Variants in ZNF416 observed in about 807,000 individuals in gnomAD.
ZNF416 encodes zinc finger protein 416.
ZNF416 carries 5 observed loss-of-function variants against 10.9 expected under a neutral mutation model. The observed-to-expected ratio is 0.46, with a 90% CI of 0.24 to 0.97. ZNF416 has a LOEUF of 0.97. Among genes scored for constraint, ZNF416 ranks in the 50% least tolerant of loss-of-function variants. ZNF416 has a pLI of 0.19. For synonymous variants in ZNF416, 267 were observed against 251.8 expected (o/e 1.06, Z -0.57); for missense variants, 675 against 715.0 (o/e 0.94, Z 0.64).
intron 2 of ZNF416, among the ~76,000 whole-genome samples, chr19:57,576,604 C>T (rs77962239): frequency 0.015 from 2,258 of 152,088 alleles, 57 homozygotes; most frequent in Admixed American, 0.06. Context: ...GATCTGACAC[C>T]GATGGCCCTC....
rs769879685 is a variant in ZNF416 at position 57,573,284 on chromosome 19, GCCT to G, written c.617_619del (p.Glu206del). ...GTAATGACTTATTCCAACATGAAAG[GCCT>G]CCTCACATTTGCTGATTTTGTTTGG... On this transcript the variant is annotated inframe_deletion, in exon 4 of 4. Coordinates refer to ENST00000196489, the MANE Select transcript of ZNF416 (RefSeq NM_017879.3). The G allele has an allele frequency of 6.2e-7, 1 of 1,614,216 alleles. No individual in the cohort carries two copies. Among genetic ancestry groups the G allele is most frequent in the Non-Finnish European group, 8.5e-7 (1 of 1,180,048 alleles).
In ZNF416 at chr19:57,572,438, G is replaced by A; in HGVS notation, c.1466C>T (p.Thr489Ile). 1 of 1,614,244 alleles carries A rather than the reference G, an allele frequency of 6.2e-7. No individual in the cohort carries two copies. Among genetic ancestry groups the A allele is most frequent in the Non-Finnish European group, 8.5e-7 (1 of 1,180,052 alleles). ...SKLVRHQRTH[T>I]GERPFECSEC... ...ACTGCACTCAAAAGGCCTTTCTCCAGTGTGAGTTCTCTGGTGCCTAACAAG... is the reference window on the plus strand; with the variant it reads ...ACTGCACTCAAAAGGCCTTTCTCCAATGTGAGTTCTCTGGTGCCTAACAAG... Residue 489 changes from threonine (T) to isoleucine (I), a missense_variant, in exon 4 of 4, where the codon ACT (threonine) becomes ATT (isoleucine). Physicochemically the swap from Thr to Ile is moderately conservative, Grantham distance 89 (BLOSUM62 -1). Coordinates refer to ENST00000196489, the MANE Select transcript of ZNF416 (RefSeq NM_017879.3). This position sits in a 1 kb window ranked among gnomAD's most constrained non-coding sequence, Gnocchi z 4.5.
In ZNF416 at chr19:57,575,368, CAAGA is replaced by C. The variant is rs1036397378; in HGVS notation, c.202+432_202+435del. ...GAGCAAGTCAGCAGCCTTGAGAACACAAGAAAGAAAATTAATATCACACAGATCC... is the reference window on the plus strand; with the variant it reads ...GAGCAAGTCAGCAGCCTTGAGAACACAAGAAAATTAATATCACACAGATCC... On this transcript the variant is annotated intron_variant, in intron 3 of 3. Coordinates refer to ENST00000196489, the MANE Select transcript of ZNF416 (RefSeq NM_017879.3). This position sits in a 1 kb window ranked among gnomAD's most constrained non-coding sequence, Gnocchi z 4.4. 1.5e-4 allele frequency among the ~76,000 whole-genome samples: 23 copies of C among 152,160 alleles called. No individual in the cohort carries two copies. Among genetic ancestry groups the C allele is most frequent in the African/African-American group, 5.6e-4 (23 of 41,428 alleles).
In ZNF416 at chr19:57,575,835, C is replaced by G; in HGVS notation, c.171G>C (p.Met57Ile). 6.2e-7 allele frequency: 1 copy of G among 1,614,138 alleles called. No homozygotes were observed. The highest frequency in any genetic ancestry group is 1.1e-5 in the South Asian group (1 of 91,070). ...EAQRLLYRDV[M>I]LENFALITAL... ...CAGTTATAAGTGCAAAGTTCTCCAG[C>G]ATCACATCGCGGTACAGGAGCCTCT... The change falls in exon 3 of 4, where the codon ATG becomes ATC. Residue 57 changes from methionine to isoleucine, a missense_variant. Coordinates refer to ENST00000196489, the MANE Select transcript of ZNF416 (RefSeq NM_017879.3). The surrounding 1 kb of genome is among the most constrained non-coding windows in gnomAD (Gnocchi z 4.4).
intron 3 of ZNF416, 132 bp from the exon 4 acceptor site, chr19:57,573,833 T>C (rs904665004): frequency 1.4e-5 from 16 of 1,159,404 alleles, no homozygotes; most frequent in African/African-American, 3.1e-5. Context: ...CTCAGGAGTT[T>C]GAGACCAGTC....
chr19:57,578,737 G>T lies in ZNF416; in HGVS notation c.-33C>A. 2 of 1,444,008 alleles carry T rather than the reference G, an allele frequency of 1.4e-6. No homozygotes were observed. Among genetic ancestry groups the T allele is most frequent in the South Asian group, 1.4e-5 (1 of 70,728 alleles). The allele number at this position is 1,444,008 out of a possible 1,614,324, so 89.4% of individuals were successfully genotyped here. A position where few individuals can be genotyped will look rare whatever the true frequency, so the allele number is the denominator to read the frequency against. On this transcript the variant is annotated 5_prime_UTR_variant, in exon 1 of 4. Coordinates refer to ENST00000196489, the MANE Select transcript of ZNF416 (RefSeq NM_017879.3). Reference sequence around the variant, plus strand: ...TGAGCGGAGCGGGGCCGGGAGCGGCGGGCGACCCGGGGCGGGAACCCAGGC... The same window carrying T: ...TGAGCGGAGCGGGGCCGGGAGCGGCTGGCGACCCGGGGCGGGAACCCAGGC...
rs1349698565 is a variant in ZNF416 at position 57,572,657 on chromosome 19, CCA to C, written c.1245_1246del (p.Cys415TrpfsTer5). The C allele has an allele frequency of 6.2e-7, 1 of 1,614,102 alleles. No individual in the cohort carries two copies. The highest frequency in any genetic ancestry group is 8.5e-7 in the Non-Finnish European group (1 of 1,180,056). ...GCCACACTTTAGGCTAAATGATTTCCCACACTGGCCACACTCATAAGGCCTTG... is the reference window on the plus strand; with the variant it reads ...GCCACACTTTAGGCTAAATGATTTCCCACTGGCCACACTCATAAGGCCTTG... On this transcript the variant is annotated frameshift_variant, in exon 4 of 4. Coordinates refer to ENST00000196489, the MANE Select transcript of ZNF416 (RefSeq NM_017879.3). LOFTEE classifies it low-confidence loss of function (END_TRUNC). The surrounding 1 kb of genome is among the most constrained non-coding windows in gnomAD (Gnocchi z 4.5).
chr19:57,576,472 C>T (rs755525911), intron 2 of ZNF416, among the ~76,000 whole-genome samples: 1 of 152,066 alleles, frequency 6.6e-6, no homozygotes, highest in African/African-American at 2.4e-5. Context: ...AAATGAGGTC[C>T]GGTGCCACTC....
Position 57,572,794 on chromosome 19 carries a change from A to G in ZNF416, c.1110T>C (p.Val370=). 1 of 1,614,172 alleles carries G rather than the reference A, an allele frequency of 6.2e-7. No homozygotes were observed. The highest frequency in any genetic ancestry group is 8.5e-7 in the Non-Finnish European group (1 of 1,180,032). ...GKAFGSKSTL[V]RHQRTHTGEK... ...CTCCTGTGTGAGTTCTCTGGTGTCGAACAAGAGTGGATTTGGACCCAAAGG... is the reference window on the plus strand; with the variant it reads ...CTCCTGTGTGAGTTCTCTGGTGTCGGACAAGAGTGGATTTGGACCCAAAGG... Residue 370 remains valine (V), a synonymous_variant, in exon 4 of 4, where the codon GTT becomes GTC. Coordinates refer to ENST00000196489, the MANE Select transcript of ZNF416 (RefSeq NM_017879.3). The surrounding 1 kb of genome is among the most constrained non-coding windows in gnomAD (Gnocchi z 4.5).
intron 2 of ZNF416, 89 bp downstream of exon 2, chr19:57,577,968 A>G: frequency 7.0e-7 from 1 of 1,426,740 alleles, no homozygotes; most frequent in Non-Finnish European, 9.9e-7. Flanking sequence ...AAGGACCCAA[A>G]GAGTGCCAAG....
intron 2 of ZNF416, among the ~76,000 whole-genome samples, chr19:57,576,992 GACCA>G (rs145941618): frequency 0.18 from 26,543 of 151,490 alleles, 2,394 homozygotes; most frequent in African/African-American, 0.22. Context: ...TTCCCACCAT[GACCA>G]ACCATGTCCC....
At chr19:57,577,263 T>C (rs535886154) in intron 2 of ZNF416, among the ~76,000 whole-genome samples, 2 of 136,308 alleles carry the variant, frequency 1.5e-5, no homozygotes, top group African/African-American at 5.7e-5. Flanking sequence ...CATTGGGCCA[T>C]GTTCAGATGA....
In ZNF416 at chr19:57,578,082, T is replaced by C. The variant is rs1978609008; in HGVS notation, c.50A>G (p.Glu17Gly). ...CTGTGTAAAGCCCATAAGTTTAGCT[T>C]CTGCAGTCACGGGAACCTGCGGGAA... ...RDSTSVPVTA[E>G]AKLMGFTQGC... is the part of the protein sequence containing the mutation. Residue 17 changes from glutamate to glycine, a missense_variant, in exon 2 of 4, where the codon GAA becomes GGA. Glu to Gly is a moderately conservative substitution (Grantham distance 98). Coordinates refer to ENST00000196489, the MANE Select transcript of ZNF416 (RefSeq NM_017879.3). 6.2e-7 allele frequency: 1 copy of C among 1,614,182 alleles called. No homozygotes were observed. The highest frequency in any genetic ancestry group is 1.3e-5 in the African/African-American group (1 of 75,028).
intron 2 of ZNF416, among the ~76,000 whole-genome samples, chr19:57,577,357 C>T (rs992540879): frequency 6.6e-6 from 1 of 152,212 alleles, no homozygotes; most frequent in African/African-American, 2.4e-5. Context: ...CTACTACCAA[C>T]TTTACAATCC....
At chr19:57,576,369 G>C (rs570850563) in intron 2 of ZNF416, among the ~76,000 whole-genome samples, 15 of 152,088 alleles carry the variant, frequency 9.9e-5, no homozygotes, top group Non-Finnish European at 1.8e-4. Context: ...CACTCCCACG[G>C]CTATTTCCAC....
intron 2 of ZNF416, 129 bp downstream of exon 2, chr19:57,577,928 G>T: frequency 1.0e-6 from 1 of 984,998 alleles, no homozygotes; most frequent in Non-Finnish European, 1.6e-6. Context: ...ATGACCCTGG[G>T]ACTGATGTTT....
Position 57,575,997 on chromosome 19 carries a change from C to G in ZNF416, c.76-67G>C, listed in dbSNP as rs1048660858. 2.5e-6 allele frequency: 4 copies of G among 1,569,960 alleles called. No individual in the cohort carries two copies. Among genetic ancestry groups the G allele is most frequent in the Non-Finnish European group, 3.5e-6 (4 of 1,154,836 alleles). On this transcript the variant is annotated intron_variant, in intron 2 of 3. Transcript: ENST00000196489. This position sits in a 1 kb window ranked among gnomAD's most constrained non-coding sequence, Gnocchi z 4.4. ...CCTAGGACCCCAAGTTCATGCCCCC[C>G]ACACATCCTTTCCCTGCTTATCCCC...
rs557856860 is a variant in ZNF416, at chr19:57,578,609, T to C, written c.33+63A>G. On this transcript the variant is annotated intron_variant, in intron 1 of 3. Coordinates refer to ENST00000196489, the MANE Select transcript of ZNF416 (RefSeq NM_017879.3). ...CTGCAGGGACGCAAGCAGGCGCCCCTCATGCAGGGTGTTGGATTTCCGGCG... is the reference window on the plus strand; with the variant it reads ...CTGCAGGGACGCAAGCAGGCGCCCCCCATGCAGGGTGTTGGATTTCCGGCG... The C allele has an allele frequency of 1.4e-5, 21 of 1,465,554 alleles. No homozygotes were observed. The South Asian group carries it at 2.9e-4, about 20-fold the overall frequency. The allele number at this position is 1,465,554 out of a possible 1,614,324, so 90.8% of individuals were successfully genotyped here.
At chr19:57,574,219 C>T (rs372500371) in intron 3 of ZNF416, among the ~76,000 whole-genome samples, 17 of 152,316 alleles carry the variant, frequency 1.1e-4, no homozygotes, top group African/African-American at 4.1e-4. Flanking sequence ...TATTCCTCTG[C>T]TCTAGTCATC....
Sources: gnomAD v4.1 joint callset for allele counts (sites outside exome capture counted in the v4.1 genomes callset) on GRCh38, gnomAD v4.1.1 for gene constraint, Gnocchi (gnomAD v3.1) non-coding constraint, MANE v1.5 for transcripts, NCBI Gene and HGNC (gene_info 2026-07-23, HGNC 2026-07-21) for gene names.